Variants in GALNT17 observed in about 807,000 individuals in gnomAD.
The protein encoded by GALNT17 is UDP-GalNAc:polypeptide N-acetylgalactosaminyltransferase-like 3.
In GALNT17, 29 loss-of-function variants were observed where a neutral mutation model predicts 63.7. The observed-to-expected ratio is 0.46, with a 90% CI of 0.34 to 0.62. GALNT17 has a LOEUF of 0.62. Among genes scored for constraint, GALNT17 ranks in the 20% least tolerant of loss-of-function variants. The pLI, the probability that GALNT17 is intolerant of heterozygous loss-of-function variation, is 0.01. For synonymous variants in GALNT17, 305 were observed against 318.3 expected, an observed-to-expected ratio of 0.96 and a Z score of 0.45; for missense variants, 603 against 799.6, an observed-to-expected ratio of 0.75 and a Z score of 2.97.
intron 2 of GALNT17, among the ~76,000 whole-genome samples, chr7:71,366,906 T>C (rs1396459161): frequency 6.6e-6 from 1 of 152,168 alleles, no homozygotes; most frequent in Non-Finnish European, 1.5e-5. Context: ...TCTTTGACTA[T>C]TACAGAGGTT....
intron 6 of GALNT17, among the ~76,000 whole-genome samples, chr7:71,637,901 A>G (rs756536722): frequency 3.5e-4 from 54 of 152,218 alleles, no homozygotes; most frequent in Non-Finnish European, 6.9e-4. Flanking sequence ...AGTGAAAGCA[A>G]GTTTATTAAG....
chr7:71,363,044 G>A (rs1051673222), intron 2 of GALNT17, among the ~76,000 whole-genome samples: 1 of 151,716 alleles, frequency 6.6e-6, no homozygotes, highest in African/African-American at 2.4e-5. Context: ...TCAGCTGACC[G>A]CAACCTCCAT....
chr7:71,683,027 C>A (rs1791291409), intron 9 of GALNT17, among the ~76,000 whole-genome samples: 1 of 152,124 alleles, frequency 6.6e-6, no homozygotes, highest in African/African-American at 2.4e-5. Context: ...TGGGTTTCAT[C>A]TTTCCCAGTT....
intron 5 of GALNT17, among the ~76,000 whole-genome samples, chr7:71,431,941 A>G (rs1453300038): frequency 1.3e-5 from 2 of 152,132 alleles, no homozygotes; most frequent in African/African-American, 4.8e-5. Flanking sequence ...TTGGGAGGCC[A>G]AGGCAGGTGG....
At chr7:71,530,265 C>A (rs556323647) in intron 5 of GALNT17, among the ~76,000 whole-genome samples, 1 of 152,040 alleles carries the variant, frequency 6.6e-6, no homozygotes, top group African/African-American at 2.4e-5. Context: ...TATGTCTAAC[C>A]TTTTTGATGT....
chr7:71,173,741 C>G (rs1370755093), intron 1 of GALNT17, among the ~76,000 whole-genome samples: 1 of 152,006 alleles, frequency 6.6e-6, no homozygotes, highest in East Asian at 1.9e-4. Context: ...CCACTGCACT[C>G]CAGCTTGTGC....
chr7:71,156,616 T>TCCTTCCTC lies in GALNT17; in HGVS notation c.238+23579_238+23580insTCCTCCCT, dbSNP rs1419449706. On this transcript the variant is annotated intron_variant, in intron 1 of 10. Coordinates refer to ENST00000333538, the MANE Select transcript of GALNT17 (RefSeq NM_022479.3). ...TTCCTTCCTTCCTTCCTTCCTTCCTTCCTCCATTCTTTGCCTTCCTTCCCT... is the reference window on the plus strand; with the variant it reads ...TTCCTTCCTTCCTTCCTTCCTTCCTTCCTTCCTCCCTCCATTCTTTGCCTTCCTTCCCT... Among the ~76,000 whole-genome samples the TCCTTCCTC allele has an allele frequency of 2.3e-3, 333 of 143,768 alleles. 4 individuals are homozygous for TCCTTCCTC. The highest frequency in any genetic ancestry group is 8.0e-3 in the African/African-American group (310 of 38,776). 94.3% of individuals were successfully genotyped at this position (143,768 alleles called of 152,430 possible).
chr7:71,155,579 T>G (rs960895681), intron 1 of GALNT17, among the ~76,000 whole-genome samples: 1 of 151,688 alleles, frequency 6.6e-6, no homozygotes, highest in Non-Finnish European at 1.5e-5. Context: ...AGCTTCTTCT[T>G]TTTTTAAAAT....
intron 5 of GALNT17, among the ~76,000 whole-genome samples, chr7:71,532,148 A>T (rs1313802255): frequency 6.6e-6 from 1 of 152,176 alleles, no homozygotes; most frequent in Non-Finnish European, 1.5e-5. Context: ...TGTAGACTTG[A>T]GCTGAAGATG....
chr7:71,679,812 A>G (rs1451726035), intron 9 of GALNT17, among the ~76,000 whole-genome samples: 1 of 151,904 alleles, frequency 6.6e-6, no homozygotes, highest in Non-Finnish European at 1.5e-5. Context: ...CCCCATCCCC[A>G]GAGTTTTTGG....
intron 1 of GALNT17, among the ~76,000 whole-genome samples, chr7:71,279,912 A>G (rs1790749403): frequency 1.3e-5 from 2 of 151,944 alleles, no homozygotes; most frequent in South Asian, 4.2e-4. Context: ...TATACCTTTT[A>G]TCAAAATCAA....
intron 5 of GALNT17, among the ~76,000 whole-genome samples, chr7:71,570,269 A>G (rs1429382487): frequency 6.6e-6 from 1 of 151,410 alleles, no homozygotes; most frequent in African/African-American, 2.4e-5. Context: ...TCCTGCTGAG[A>G]CCTCCTCTCT....
At chr7:71,527,594 C>T (rs898387045) in intron 5 of GALNT17, among the ~76,000 whole-genome samples, 6 of 152,234 alleles carry the variant, frequency 3.9e-5, no homozygotes, top group Non-Finnish European at 7.3e-5. Flanking sequence ...TCTTTTCTCA[C>T]TGTGCTCATT....
chr7:71,197,495 A>G (rs1789076710), intron 1 of GALNT17, among the ~76,000 whole-genome samples: 1 of 151,794 alleles, frequency 6.6e-6, no homozygotes, highest in South Asian at 2.1e-4. Flanking sequence ...GGCATGAGAC[A>G]CCGCGCCTGG....
At chr7:71,225,373 C>A (rs1330618797) in intron 1 of GALNT17, among the ~76,000 whole-genome samples, 1 of 152,208 alleles carries the variant, frequency 6.6e-6, no homozygotes, top group African/African-American at 2.4e-5. Context: ...TATTTTGAAG[C>A]AAACACATCT....
At chr7:71,150,377 C>CAGTTAGAT (rs1788107410) in intron 1 of GALNT17, among the ~76,000 whole-genome samples, 1 of 151,962 alleles carries the variant, frequency 6.6e-6, no homozygotes, top group Non-Finnish European at 1.5e-5. Flanking sequence ...GGCTCCCCTG[C>CAGTTAGAT]AGTTAGATAG....
Position 71,435,953 on chromosome 7 carries a change from G to A in GALNT17, c.962+14848G>A, listed in dbSNP as rs191913446. Among the ~76,000 whole-genome samples the A allele has an allele frequency of 7.4e-3, 1,105 of 149,376 alleles. 13 individuals carry two copies. Among genetic ancestry groups the A allele is most frequent in the Admixed American group, 0.012 (182 of 14,972 alleles). On this transcript the variant is annotated intron_variant, in intron 5 of 10. Transcript: ENST00000333538. ...GAGAATGGCGTGAACCTGGGAGGTG[G>A]AGCTTGCAGTGAGCCAAGATCACGC...
At chr7:71,422,027 A>G (rs531537412) in intron 5 of GALNT17, among the ~76,000 whole-genome samples, 1 of 152,052 alleles carries the variant, frequency 6.6e-6, no homozygotes, top group Non-Finnish European at 1.5e-5. Flanking sequence ...TCTTGCTGCT[A>G]TAACAAGTTA....
intron 6 of GALNT17, among the ~76,000 whole-genome samples, chr7:71,631,281 C>A (rs1478105115): frequency 6.6e-6 from 1 of 151,878 alleles, no homozygotes; most frequent in Non-Finnish European, 1.5e-5. Flanking sequence ...TAGCCTCAAC[C>A]TCCTGGGCTC....
Sources: allele counts gnomAD v4.1 joint callset (sites outside exome capture counted in the v4.1 genomes callset), GRCh38; gene constraint gnomAD v4.1.1; transcripts MANE v1.5; gene names NCBI Gene and HGNC (gene_info 2026-07-23, HGNC 2026-07-21).